TRAF3: variants seen among roughly 807,000 people sequenced by gnomAD.
The protein encoded by TRAF3 is TNF receptor-associated factor 3.
A neutral mutation model predicts 62.3 loss-of-function variants in TRAF3; 13 were observed. The observed-to-expected ratio is 0.21, with a 90% CI of 0.14 to 0.33. The LOEUF is 0.33. Ranked by LOEUF, TRAF3 falls within the 10% of genes least tolerant of loss-of-function variation. The probability of loss-of-function intolerance (pLI) is 1.00; values close to 1 mark genes in which losing one functional copy is unlikely to be tolerated. For synonymous variants in TRAF3, 269 were observed against 283.4 expected, an observed-to-expected ratio of 0.95 and a Z score of 0.51; for missense variants, 440 against 741.8, an observed-to-expected ratio of 0.59 and a Z score of 4.73.
Position 102,807,940 on chromosome 14 carries a change from A to G in TRAF3, c.-156-22394A>G, listed in dbSNP as rs561617613. ...TTGGCATAATTACTCCAACATGCAA[A>G]TCAGTACTGGAAGGAAGTTGAGGCA... is the stretch of plus-strand genomic sequence containing the variant. On this transcript the variant is annotated intron_variant, in intron 1 of 11. Coordinates refer to ENST00000392745, the MANE Select transcript of TRAF3 (RefSeq NM_145725.3). Among the ~76,000 whole-genome samples the G allele has an allele frequency of 3.3e-5, 5 of 152,288 alleles. No individual in the cohort carries two copies. The South Asian group carries it at 8.3e-4, about 25-fold the overall frequency.
chr14:102,820,203 C>T (rs533772794), intron 1 of TRAF3, among the ~76,000 whole-genome samples: 71 of 152,242 alleles, frequency 4.7e-4, no homozygotes, highest in African/African-American at 1.4e-3. Context: ...TGCATTGTGA[C>T]GCAGGGTCAA....
intron 2 of TRAF3, among the ~76,000 whole-genome samples, chr14:102,849,974 CTTTG>C (rs1194870456): frequency 6.6e-6 from 1 of 152,180 alleles, no homozygotes; most frequent in Non-Finnish European, 1.5e-5. Context: ...GAGCCTTTTG[CTTTG>C]TTTATCTGAT....
intron 2 of TRAF3, among the ~76,000 whole-genome samples, chr14:102,867,598 GA>G (rs1319280284): frequency 1.2e-4 from 19 of 152,266 alleles, no homozygotes; most frequent in African/African-American, 4.6e-4. Flanking sequence ...GGGCCTAGGG[GA>G]ACGTAGAGCT....
chr14:102,876,302 A>G, intron 5 of TRAF3, 56 bp from the exon 6 acceptor site: 1 of 1,585,848 alleles, frequency 6.3e-7, no homozygotes, highest in Non-Finnish European at 8.6e-7. Flanking sequence ...AGAATCTGGT[A>G]TTTCAGATTT....
chr14:102,796,295 C>T (rs140472402), intron 1 of TRAF3, among the ~76,000 whole-genome samples: 44 of 152,326 alleles, frequency 2.9e-4, no homozygotes, highest in African/African-American at 7.7e-4. Context: ...GAGGATGGCC[C>T]GAGGGAGGGC....
At chr14:102,878,107 T>A (rs963107152) in intron 6 of TRAF3, among the ~76,000 whole-genome samples, 1 of 152,256 alleles carries the variant, frequency 6.6e-6, no homozygotes, top group Non-Finnish European at 1.5e-5. Flanking sequence ...TGTCAAAAAA[T>A]GAATAGTTAT....
intron 1 of TRAF3, among the ~76,000 whole-genome samples, chr14:102,814,023 G>A (rs1224478521): frequency 6.6e-6 from 1 of 152,118 alleles, no homozygotes; most frequent in Non-Finnish European, 1.5e-5. Flanking sequence ...ATGTTTTGTA[G>A]TAGTTTTATC....
chr14:102,781,814 A>G (rs969222988), intron 1 of TRAF3, among the ~76,000 whole-genome samples: 2 of 134,562 alleles, frequency 1.5e-5, no homozygotes, highest in African/African-American at 5.8e-5. Context: ...TTTTTTTGAG[A>G]CAGAGTCTCA....
intron 2 of TRAF3, among the ~76,000 whole-genome samples, chr14:102,844,981 C>G (rs1214743266): frequency 6.7e-6 from 1 of 148,934 alleles, no homozygotes; most frequent in East Asian, 2.0e-4. Flanking sequence ...CACTGCAAGC[C>G]CTGCCTCCTG....
chr14:102,862,116 A>G (rs1004224493), intron 2 of TRAF3, among the ~76,000 whole-genome samples: 1 of 152,178 alleles, frequency 6.6e-6, no homozygotes, highest in African/African-American at 2.4e-5. Flanking sequence ...GTATCTAAGA[A>G]TCCATTGCCA....
intron 6 of TRAF3, among the ~76,000 whole-genome samples, chr14:102,882,827 C>G (rs1334094573): frequency 1.3e-5 from 2 of 152,080 alleles, no homozygotes; most frequent in Non-Finnish European, 2.9e-5. Flanking sequence ...GACAGTATGC[C>G]AGCTATTTTC....
At chr14:102,832,161 A>T (rs1347356879) in intron 2 of TRAF3, among the ~76,000 whole-genome samples, 1 of 152,240 alleles carries the variant, frequency 6.6e-6, no homozygotes, top group Non-Finnish European at 1.5e-5. Context: ...AAGTATATAT[A>T]TTATGGAATG....
At chr14:102,796,679 C>T (rs1266105012) in intron 1 of TRAF3, among the ~76,000 whole-genome samples, 4 of 152,192 alleles carry the variant, frequency 2.6e-5, no homozygotes, top group Non-Finnish European at 4.4e-5. Flanking sequence ...CTGGTCGATG[C>T]CCCGGAATGA....
intron 3 of TRAF3, among the ~76,000 whole-genome samples, chr14:102,871,437 C>T (rs1007642444): frequency 2.0e-5 from 3 of 152,176 alleles, no homozygotes; most frequent in Non-Finnish European, 4.4e-5. Flanking sequence ...GGGCTGGAGC[C>T]CCCATATATG....
intron 6 of TRAF3, among the ~76,000 whole-genome samples, chr14:102,879,389 C>T (rs1888911108): frequency 6.6e-6 from 1 of 152,066 alleles, no homozygotes; most frequent in East Asian, 1.9e-4. Flanking sequence ...CCTCCCACCT[C>T]AGGAACCATA....
intron 1 of TRAF3, among the ~76,000 whole-genome samples, chr14:102,811,515 A>ACAAGGAGCT (rs1473307544): frequency 7.1e-6 from 1 of 141,076 alleles, no homozygotes; most frequent in South Asian, 2.3e-4. Flanking sequence ...AGCCACACCT[A>ACAAGGAGCT]CAAGGAGCTC....
At chr14:102,870,807 A>G (rs1014074780) in intron 3 of TRAF3, among the ~76,000 whole-genome samples, 1 of 152,188 alleles carries the variant, frequency 6.6e-6, no homozygotes, top group African/African-American at 2.4e-5. Flanking sequence ...CTGGTGTGCA[A>G]GGATGCCGCA....
intron 1 of TRAF3, among the ~76,000 whole-genome samples, chr14:102,809,597 A>G (rs1490027793): frequency 6.9e-6 from 1 of 145,334 alleles, no homozygotes; most frequent in Admixed American, 7.1e-5. Flanking sequence ...CAGGGGCGCA[A>G]TCTCGGCTCA....
chr14:102,867,812 T>C (rs1030519628), intron 2 of TRAF3, among the ~76,000 whole-genome samples: 27 of 152,250 alleles, frequency 1.8e-4, no homozygotes, highest in African/African-American at 6.3e-4. Context: ...ACTTTAACAT[T>C]AATGTTTTGA....
Sources: allele counts gnomAD v4.1 joint callset (sites outside exome capture counted in the v4.1 genomes callset), GRCh38; gene constraint gnomAD v4.1.1; transcripts MANE v1.5; gene names NCBI Gene and HGNC (gene_info 2026-07-23, HGNC 2026-07-21).